The following LRMDA variants were observed in gnomAD, a reference collection of about 807,000 sequenced individuals.
LRMDA encodes the protein leucine rich melanocyte differentiation associated, also known as leucine-rich melanocyte differentiation-associated protein.
LRMDA carries 18 observed loss-of-function variants against 29.8 expected under a neutral mutation model. That is an observed-to-expected ratio of 0.60 (90% CI 0.42 to 0.90). The LOEUF (loss-of-function observed/expected upper bound fraction) is 0.90. Ranked by LOEUF, LRMDA falls within the 40% of genes least tolerant of loss-of-function variation. LRMDA has a pLI of 0.00. For synonymous variants in LRMDA, 125 were observed against 109.4 expected (o/e 1.14, Z -0.89); for missense variants, 273 against 273.9 (o/e 1.00, Z 0.02).
chr10:75,531,680 T>C (rs926320867), intron 2 of LRMDA, among the ~76,000 whole-genome samples: 5 of 152,202 alleles, frequency 3.3e-5, no homozygotes, highest in African/African-American at 9.7e-5. Context: ...AATCACCTAG[T>C]GTATGTTCAG....
At chr10:75,635,778 T>G in intron 2 of LRMDA, among the ~76,000 whole-genome samples, 1 of 152,214 alleles carries the variant, frequency 6.6e-6, no homozygotes, top group East Asian at 1.9e-4. Context: ...GTCAAGTTCA[T>G]GTTTTTCCTT....
chr10:75,640,866 T>C (rs1564528634), intron 2 of LRMDA, among the ~76,000 whole-genome samples: 1 of 152,100 alleles, frequency 6.6e-6, no homozygotes, highest in Admixed American at 6.5e-5. Context: ...AGAGTCTGAG[T>C]GGGGGATTCT....
intron 2 of LRMDA, among the ~76,000 whole-genome samples, chr10:75,494,779 GCGTGAGCCAC>G (rs2132063881): frequency 6.6e-6 from 1 of 152,268 alleles, no homozygotes; most frequent in East Asian, 1.9e-4. Context: ...AGGATTACAG[GCGTGAGCCAC>G]CGTGCCTGGC....
intron 2 of LRMDA, among the ~76,000 whole-genome samples, chr10:75,948,949 A>G (rs1164372590): frequency 1.3e-5 from 2 of 151,914 alleles, no homozygotes; most frequent in Non-Finnish European, 2.9e-5. Flanking sequence ...CACAAGCATA[A>G]GACTGGCTTT....
At chr10:76,075,506 T>G (rs558677865) in intron 5 of LRMDA, among the ~76,000 whole-genome samples, 6 of 152,368 alleles carry the variant, frequency 3.9e-5, no homozygotes, top group African/African-American at 1.2e-4. Context: ...ATCAATGATA[T>G]TTTGTATTTC....
chr10:76,493,024 G>A (rs528206531), intron 6 of LRMDA, among the ~76,000 whole-genome samples: 2 of 152,080 alleles, frequency 1.3e-5, no homozygotes, highest in East Asian at 3.9e-4. Flanking sequence ...ACCACTACCT[G>A]GTTACCACAT....
intron 6 of LRMDA, among the ~76,000 whole-genome samples, chr10:76,556,948 G>A (rs1023744974): frequency 2.0e-5 from 3 of 152,158 alleles, no homozygotes; most frequent in Non-Finnish European, 4.4e-5. Flanking sequence ...TACCTAGCAT[G>A]TGGAAGAGAA....
At chr10:75,865,888 T>C (rs1845010215) in intron 2 of LRMDA, among the ~76,000 whole-genome samples, 1 of 152,238 alleles carries the variant, frequency 6.6e-6, no homozygotes, top group South Asian at 2.1e-4. Context: ...TGATTGTTAA[T>C]GGAAATGTAT....
rs962176890 is a variant in LRMDA at position 75,483,001 on chromosome 10, G to C, written c.131+44507G>C. 5.9e-5 allele frequency among the ~76,000 whole-genome samples: 9 copies of C among 151,814 alleles called. 1 individual carries two copies. The highest frequency in any genetic ancestry group is 5.9e-4 in the Admixed American group (9 of 15,268). On this transcript the variant is annotated intron_variant, in intron 2 of 6. Coordinates refer to ENST00000611255, the MANE Select transcript of LRMDA (RefSeq NM_001305581.2). ...ACTCTGTAGCCCAAGCTGGAGTGCA[G>C]TGGCACCATCTCAGCTTACTGCAAC...
At chr10:76,007,349 G>A (rs1053207109) in intron 2 of LRMDA, among the ~76,000 whole-genome samples, 3 of 151,508 alleles carry the variant, frequency 2.0e-5, no homozygotes, top group Middle Eastern at 3.2e-3. Context: ...TTAGGAGACC[G>A]CTGTTTTCAG....
At position 76,349,585 on chromosome 10, in the gene LRMDA, A is replaced by G. The variant is rs559360168; in HGVS notation, c.601+25100A>G. 2.8e-4 allele frequency among the ~76,000 whole-genome samples: 42 copies of G among 152,262 alleles called. 1 individual carries two copies. The South Asian group carries it at 3.1e-3, about 11-fold the overall frequency. Reference sequence around the variant, plus strand: ...ATAAACAGTTTTTTCAAACTATCCAAAAGTCACCTAATAATTGTCTATAAA... The same window carrying G: ...ATAAACAGTTTTTTCAAACTATCCAGAAGTCACCTAATAATTGTCTATAAA... On this transcript the variant is annotated intron_variant, in intron 6 of 6. Transcript: ENST00000611255.
intron 2 of LRMDA, among the ~76,000 whole-genome samples, chr10:75,756,472 G>T (rs1564559728): frequency 1.3e-5 from 2 of 152,118 alleles, no homozygotes; most frequent in Non-Finnish European, 2.9e-5. Flanking sequence ...TATCAGCCTT[G>T]GCCTGCCTGC....
intron 2 of LRMDA, among the ~76,000 whole-genome samples, chr10:75,807,447 C>G (rs369805853): frequency 6.6e-6 from 1 of 152,238 alleles, no homozygotes; most frequent in African/African-American, 2.4e-5. Context: ...CCCAAGCAGC[C>G]TAGCTCCTTC....
chr10:76,062,652 C>G (rs1305069846), intron 5 of LRMDA, among the ~76,000 whole-genome samples: 1 of 114,882 alleles, frequency 8.7e-6, no homozygotes, highest in Non-Finnish European at 1.7e-5. Flanking sequence ...CAGACTTTAT[C>G]TCTCTGTGTG....
intron 2 of LRMDA, among the ~76,000 whole-genome samples, chr10:75,814,888 G>A (rs2132274998): frequency 6.6e-6 from 1 of 152,256 alleles, no homozygotes; most frequent in South Asian, 2.1e-4. Flanking sequence ...GCAGTTTTAA[G>A]AAAATCGTTG....
intron 5 of LRMDA, among the ~76,000 whole-genome samples, chr10:76,233,061 A>G (rs1852089833): frequency 6.6e-6 from 1 of 152,228 alleles, no homozygotes; most frequent in African/African-American, 2.4e-5. Flanking sequence ...TGGTCCAAGA[A>G]TTTAACTTGT....
chr10:76,428,235 A>G (rs185907729), intron 6 of LRMDA, among the ~76,000 whole-genome samples: 21 of 152,218 alleles, frequency 1.4e-4, no homozygotes, highest in African/African-American at 4.6e-4. Flanking sequence ...CTTCATTGAG[A>G]GAGAGAGAGC....
chr10:76,015,146 C>A (rs1238344273), intron 2 of LRMDA, among the ~76,000 whole-genome samples: 1 of 152,228 alleles, frequency 6.6e-6, no homozygotes, highest in Non-Finnish European at 1.5e-5. Context: ...GATGCCCCGG[C>A]ACTTTGCCAG....
intron 2 of LRMDA, among the ~76,000 whole-genome samples, chr10:76,018,170 G>A (rs900032601): frequency 1.3e-5 from 2 of 152,204 alleles, no homozygotes; most frequent in African/African-American, 4.8e-5. Flanking sequence ...CAGAGCAAAA[G>A]TCTTATCCTC....
Sources: allele counts gnomAD v4.1 joint callset (sites outside exome capture counted in the v4.1 genomes callset), GRCh38; gene constraint gnomAD v4.1.1; transcripts MANE v1.5; gene names NCBI Gene and HGNC (gene_info 2026-07-23, HGNC 2026-07-21).